Variants in NETO2 observed in about 807,000 individuals in gnomAD.
NETO2 encodes neuropilin and tolloid-like protein 2.
NETO2 carries 28 observed loss-of-function variants against 62.5 expected under a neutral mutation model. The ratio of observed to expected loss-of-function variants is 0.45; its 90% confidence interval spans 0.33 to 0.61. NETO2 has a LOEUF of 0.61. NETO2 is among the 20% of genes least tolerant of loss of function. NETO2 has a pLI of 0.02. For missense variants in NETO2, 548 were observed against 643.2 expected (o/e 0.85, Z 1.60); for synonymous variants, 214 against 219.1 (o/e 0.98, Z 0.21).
In NETO2 at chr16:47,132,395, T is replaced by G. The variant is rs147509599; in HGVS notation, c.35-370A>C. On this transcript the variant is annotated intron_variant, in intron 1 of 8. Transcript: ENST00000562435. The stretch of plus-strand genomic sequence containing the variant: ...TCCATCTCAAAGTTTACATGCAGTA[T>G]AGCTGGCTCTGCAGTGTGCTATGGC... Among the ~76,000 whole-genome samples the G allele has an allele frequency of 1.8e-3, 279 of 152,282 alleles. 2 individuals are homozygous for G. The highest frequency in any genetic ancestry group is 3.2e-3 in the Non-Finnish European group (221 of 68,010).
At chr16:47,118,961 T>C (rs1305420668) in intron 6 of NETO2, among the ~76,000 whole-genome samples, 2 of 152,164 alleles carry the variant, frequency 1.3e-5, no homozygotes, top group East Asian at 3.8e-4. Context: ...TTGACTTTTA[T>C]ATCTCTTTTA....
At chr16:47,142,965 G>GGGGGCCGGGACAAGCC (rs1032394298) in intron 1 of NETO2, among the ~76,000 whole-genome samples, 12 of 151,932 alleles carry the variant, frequency 7.9e-5, no homozygotes, top group Middle Eastern at 3.4e-3. Flanking sequence ...AGCGCTCCCC[G>GGGGGCCGGGACAAGCC]GGGGCCGGGA....
At chr16:47,143,506 A>C (rs1964509036) in intron 1 of NETO2, 73 bp downstream of exon 1, 26 of 1,212,024 alleles carry the variant, frequency 2.1e-5, no homozygotes, top group Non-Finnish European at 2.7e-5. Context: ...AGGGACGCAG[A>C]GGCGCGGGCA....
chr16:47,121,257 C>CTCG (rs1167912688), intron 6 of NETO2, among the ~76,000 whole-genome samples: 2 of 152,102 alleles, frequency 1.3e-5, no homozygotes, highest in Admixed American at 1.3e-4. Flanking sequence ...TGTCGGTGAA[C>CTCG]TCGTACCCAT....
intron 7 of NETO2, among the ~76,000 whole-genome samples, chr16:47,087,919 G>C (rs1477599702): frequency 6.6e-6 from 1 of 152,030 alleles, no homozygotes. Context: ...TGTTAGAATG[G>C]ATTATTATTA....
chr16:47,097,062 C>T (rs1189626527), intron 7 of NETO2, among the ~76,000 whole-genome samples: 1 of 152,198 alleles, frequency 6.6e-6, no homozygotes. Flanking sequence ...CCTACACCAC[C>T]AGGGACCTGG....
intron 4 of NETO2, among the ~76,000 whole-genome samples, chr16:47,127,286 A>G (rs188065036): frequency 6.6e-6 from 1 of 152,334 alleles, no homozygotes; most frequent in African/African-American, 2.4e-5. Flanking sequence ...GCCATACTGG[A>G]CAGGGCTTTA....
chr16:47,105,471 CA>C (rs1202879529), intron 7 of NETO2, among the ~76,000 whole-genome samples: 1 of 151,578 alleles, frequency 6.6e-6, no homozygotes, highest in Non-Finnish European at 1.5e-5. Flanking sequence ...AAAACAACAA[CA>C]AAAAAAACCC....
intron 1 of NETO2, among the ~76,000 whole-genome samples, chr16:47,141,686 GCAA>G (rs775349808): frequency 2.6e-5 from 4 of 152,266 alleles, no homozygotes; most frequent in Middle Eastern, 3.4e-3. Flanking sequence ...ACCAATAGCA[GCAA>G]CAACAATAAT....
intron 6 of NETO2, among the ~76,000 whole-genome samples, chr16:47,116,879 T>C (rs1356693254): frequency 1.3e-5 from 2 of 152,186 alleles, no homozygotes; most frequent in Admixed American, 6.5e-5. Context: ...TTCATCGAAG[T>C]CATCTGATTT....
chr16:47,143,502 G>A lies in NETO2; in HGVS notation c.34+77C>T, dbSNP rs1964508892. The A allele has an allele frequency of 2.6e-5, 31 of 1,210,732 alleles. 1 individual carries two copies. In the South Asian group the frequency reaches 1.2e-3, roughly 46 times the overall value. 75.0% of individuals were successfully genotyped at this position (1,210,732 alleles called of 1,614,324 possible). A position where few individuals can be genotyped will look rare whatever the true frequency, so the allele number is the denominator to read the frequency against. On this transcript the variant is annotated intron_variant, in intron 1 of 8. Transcript: ENST00000562435. ...CGGGTCCCGGGCGCGGGTAAGGGAC[G>A]CAGAGGCGCGGGCAGGGCGGCGCGC...
At chr16:47,092,552 G>A (rs1963334604) in intron 7 of NETO2, among the ~76,000 whole-genome samples, 2 of 152,046 alleles carry the variant, frequency 1.3e-5, no homozygotes, top group African/African-American at 4.8e-5. Context: ...GGTGGCTGGC[G>A]GACACTGGAC....
intron 7 of NETO2, among the ~76,000 whole-genome samples, chr16:47,104,489 C>T (rs535098407): frequency 1.3e-5 from 2 of 152,164 alleles, no homozygotes; most frequent in Non-Finnish European, 2.9e-5. Flanking sequence ...TGATCCCTAT[C>T]AAAATCCCAA....
At chr16:47,128,097 A>G (rs1200876590) in intron 4 of NETO2, among the ~76,000 whole-genome samples, 1 of 152,208 alleles carries the variant, frequency 6.6e-6, no homozygotes, top group African/African-American at 2.4e-5. Context: ...ATCTAAGAAA[A>G]TGTGGCACCA....
At chr16:47,094,768 GAGTGC>G (rs1444666830) in intron 7 of NETO2, among the ~76,000 whole-genome samples, 1 of 152,132 alleles carries the variant, frequency 6.6e-6, no homozygotes, top group Non-Finnish European at 1.5e-5. Context: ...ACCCAGGCTG[GAGTGC>G]AGTGGTGCAA....
chr16:47,083,438 AG>A lies in NETO2; in HGVS notation c.1360del (p.Leu454SerfsTer18). The A allele has an allele frequency of 6.2e-7, 1 of 1,614,200 alleles. No individual in the cohort carries two copies. The highest frequency in any genetic ancestry group is 8.5e-7 in the Non-Finnish European group (1 of 1,180,040). Reference sequence around the variant, plus strand: ...TCGGAAAGGAAGTTCCATGGAACTGAGGTTGGTCCTGCTTTGTTTGACGCTG... The same window carrying A: ...TCGGAAAGGAAGTTCCATGGAACTGAGTTGGTCCTGCTTTGTTTGACGCTG... ...ASSVKQSRTN[L>X]SSMELPFRND... On this transcript the variant is annotated frameshift_variant, in exon 9 of 9. Transcript: ENST00000562435. LOFTEE classifies it high-confidence loss of function.
chr16:47,135,913 A>C (rs936468300), intron 1 of NETO2, among the ~76,000 whole-genome samples: 4 of 152,220 alleles, frequency 2.6e-5, no homozygotes, highest in Admixed American at 2.0e-4. Flanking sequence ...AAAAATTATT[A>C]CACCTATTAA....
chr16:47,105,620 C>G (rs1385718896), intron 7 of NETO2, among the ~76,000 whole-genome samples: 1 of 152,008 alleles, frequency 6.6e-6, no homozygotes, highest in Non-Finnish European at 1.5e-5. Context: ...ATCCAGAATA[C>G]ACAGAGAACG....
At chr16:47,092,750 C>T (rs1214117455) in intron 7 of NETO2, among the ~76,000 whole-genome samples, 3 of 152,114 alleles carry the variant, frequency 2.0e-5, no homozygotes, top group Non-Finnish European at 2.9e-5. Flanking sequence ...AGGTTCTCTC[C>T]CTGGTGAAGG....
Sources: gnomAD v4.1 joint callset for allele counts (sites outside exome capture counted in the v4.1 genomes callset) on GRCh38, gnomAD v4.1.1 for gene constraint, MANE v1.5 for transcripts, NCBI Gene and HGNC (gene_info 2026-07-23, HGNC 2026-07-21) for gene names.